Variants in EIF2AK1 observed in about 807,000 individuals in gnomAD.
EIF2AK1 encodes eukaryotic translation initiation factor 2-alpha kinase 1.
EIF2AK1 carries 54 observed loss-of-function variants against 77.9 expected under a neutral mutation model. That is an observed-to-expected ratio of 0.69 (90% CI 0.56 to 0.87). EIF2AK1 has a LOEUF of 0.87. EIF2AK1 is among the 40% of genes least tolerant of loss of function. The probability of loss-of-function intolerance (pLI) is 0.00; values close to 1 mark genes in which losing one functional copy is unlikely to be tolerated. For missense variants in EIF2AK1, 810 were observed against 768.6 expected (o/e 1.05, Z -0.64); for synonymous variants, 314 against 290.5 (o/e 1.08, Z -0.82).
intron 6 of EIF2AK1, 104 bp downstream of exon 6, chr7:6,045,967 C>T (rs1788434693): frequency 1.6e-6 from 1 of 617,678 alleles, no homozygotes; most frequent in African/African-American, 2.0e-5. Flanking sequence ...AACTGGAAAT[C>T]CACACCGCCT....
Position 6,036,048 on chromosome 7 carries a change from T to C in EIF2AK1, c.1332+1376A>G. The stretch of plus-strand genomic sequence containing the variant: ...TGAATTTGAAGCAAATGTTAACATT[T>C]TAACAAGAAACGGGGAATCTCCAAT... On this transcript the variant is annotated intron_variant, in intron 11 of 14. Coordinates refer to ENST00000199389, the MANE Select transcript of EIF2AK1 (RefSeq NM_014413.4). The surrounding 1 kb of genome is among the most constrained non-coding windows in gnomAD (Gnocchi z 4.6). The C allele has an allele frequency of 6.4e-7, 1 of 1,551,054 alleles. No individual in the cohort carries two copies. Among genetic ancestry groups the C allele is most frequent in the Non-Finnish European group, 8.7e-7 (1 of 1,147,144 alleles).
At chr7:6,037,294 T>A (rs1788136210) in intron 11 of EIF2AK1, 130 bp downstream of exon 11, 1 of 657,372 alleles carries the variant, frequency 1.5e-6, no homozygotes, top group South Asian at 2.1e-5. Flanking sequence ...ATGACTTATC[T>A]GACAGTAATT....
chr7:6,058,299 C>A (rs1032948490), intron 1 of EIF2AK1: 1 of 376,196 alleles, frequency 2.7e-6, no homozygotes, highest in Non-Finnish European at 5.2e-6. Context: ...CACCTGTGGT[C>A]CCAGCTACTC....
rs184906720 is a variant in EIF2AK1, at chr7:6,040,139, G to A, written c.1119+753C>T. Among the ~76,000 whole-genome samples the A allele has an allele frequency of 1.1e-4, 16 of 151,940 alleles. 1 individual carries two copies. The East Asian group carries it at 3.1e-3, about 30-fold the overall frequency. ...CTAGTTGCCCAGGCTGGAGTACGGT[G>A]CCTCCCGGGTTCAAGCGATTCTCCT... On this transcript the variant is annotated intron_variant, in intron 9 of 14. Transcript: ENST00000199389.
Position 6,033,398 on chromosome 7 carries a change from A to T in EIF2AK1, c.1332+4026T>A, listed in dbSNP as rs957255649. Among the ~76,000 whole-genome samples the T allele has an allele frequency of 1.3e-5, 2 of 152,140 alleles. No individual in the cohort carries two copies. Among genetic ancestry groups the T allele is most frequent in the Non-Finnish European group, 2.9e-5 (2 of 68,028 alleles). On this transcript the variant is annotated intron_variant, in intron 11 of 14. Coordinates refer to ENST00000199389, the MANE Select transcript of EIF2AK1 (RefSeq NM_014413.4). This position sits in a 1 kb window ranked among gnomAD's most constrained non-coding sequence, Gnocchi z 4.4. Reference sequence around the variant, plus strand: ...AACCAATGTCTTTACTGAGTAGATGAGATACTCTGAAAAACTGAGAAAAAT... The same window carrying T: ...AACCAATGTCTTTACTGAGTAGATGTGATACTCTGAAAAACTGAGAAAAAT...
intron 2 of EIF2AK1, among the ~76,000 whole-genome samples, chr7:6,053,354 T>C (rs1054661580): frequency 2.6e-5 from 4 of 152,106 alleles, no homozygotes; most frequent in African/African-American, 9.7e-5. Context: ...AATCCAATTA[T>C]ATTCTTTTCG....
In EIF2AK1 at chr7:6,033,561, A is replaced by T. The variant is rs1419135883; in HGVS notation, c.1332+3863T>A. ...CCACCAAAGTTAGGTGTGAAAAATA[A>T]AATATAGGTAGACAATGGATTTTCT... On this transcript the variant is annotated intron_variant, in intron 11 of 14. Transcript: ENST00000199389. The surrounding 1 kb of genome is among the most constrained non-coding windows in gnomAD (Gnocchi z 4.4). Among the ~76,000 whole-genome samples, 1 of 152,076 alleles carries T rather than the reference A, an allele frequency of 6.6e-6. No homozygotes were observed. The highest frequency in any genetic ancestry group is 2.4e-5 in the African/African-American group (1 of 41,384).
At chr7:6,026,143 C>A (rs1204762451) in intron 14 of EIF2AK1, among the ~76,000 whole-genome samples, 1 of 152,138 alleles carries the variant, frequency 6.6e-6, no homozygotes, top group Non-Finnish European at 1.5e-5. Context: ...TTCAGCACTA[C>A]CCGGGGAGGT....
chr7:6,048,975 G>A, intron 3 of EIF2AK1, 131 bp from the exon 4 acceptor site: 2 of 612,844 alleles, frequency 3.3e-6, no homozygotes, highest in Non-Finnish European at 5.6e-6. Flanking sequence ...GGCTTTTTCA[G>A]TATTACTTAA....
chr7:6,023,306 C>A lies in EIF2AK1; in HGVS notation c.*1367G>T. 1 of 1,592,262 alleles carries A rather than the reference C, an allele frequency of 6.3e-7. No individual in the cohort carries two copies. Among genetic ancestry groups the A allele is most frequent in the Non-Finnish European group, 8.5e-7 (1 of 1,171,296 alleles). ...CTGGCGTGTTTTTTCTTTTCAGTGC[C>A]GAAGACGCAGATGAAATTCAGCATC... is the stretch of plus-strand genomic sequence containing the variant. On this transcript the variant is annotated 3_prime_UTR_variant, in exon 15 of 15. Transcript: ENST00000199389.
intron 14 of EIF2AK1, among the ~76,000 whole-genome samples, chr7:6,026,051 C>A (rs1385632125): frequency 6.6e-6 from 1 of 152,034 alleles, no homozygotes; most frequent in Admixed American, 6.5e-5. Flanking sequence ...CGGACCCCCA[C>A]GCCAGGCCAC....
In EIF2AK1 at chr7:6,043,383, C is replaced by G. The variant is rs1189664795; in HGVS notation, c.731-390G>C. On this transcript the variant is annotated intron_variant, in intron 7 of 14. Coordinates refer to ENST00000199389, the MANE Select transcript of EIF2AK1 (RefSeq NM_014413.4). ...CTTGAGCTCAGGTGTTTAAGAACAG[C>G]ATGCACAATATAGTGAGATTCCTCA... Among the ~76,000 whole-genome samples, 5 of 152,014 alleles carry G rather than the reference C, an allele frequency of 3.3e-5. No homozygotes were observed. The East Asian group carries it at 9.7e-4, about 29-fold the overall frequency.
rs754716017 is a variant in EIF2AK1 at position 6,028,907 on chromosome 7, C to A, written c.1447+11G>T. On this transcript the variant is annotated intron_variant, in intron 12 of 14. Coordinates refer to ENST00000199389, the MANE Select transcript of EIF2AK1 (RefSeq NM_014413.4). ...TTATGCAAAGAAAACAAAACAAAAC[C>A]AAAAACTTACTCTTCCCGTTTCTGT... The A allele has an allele frequency of 5.0e-6, 8 of 1,592,302 alleles. 1 individual carries two copies. In the South Asian group the frequency reaches 9.2e-5, roughly 18 times the overall value.
intron 2 of EIF2AK1, among the ~76,000 whole-genome samples, chr7:6,051,878 C>G (rs573242177): frequency 6.6e-6 from 1 of 152,144 alleles, no homozygotes; most frequent in South Asian, 2.1e-4. Context: ...TTGTTTTAAA[C>G]TTCAGTCATC....
rs754740121 is a variant in EIF2AK1, at chr7:6,049,931, G to A, written c.392C>T (p.Ala131Val). The A allele has an allele frequency of 6.2e-7, 1 of 1,611,578 alleles. No homozygotes were observed. Residue 131 changes from alanine (A) to valine (V), a missense_variant, in exon 3 of 15, where the codon GCT becomes GTT. By Grantham distance (64) the Ala-to-Val change is moderately conservative (BLOSUM62 0). This residue lies in a region of EIF2AK1 where 246 missense variants were observed against 199.0 expected (regional missense o/e 1.24). Coordinates refer to ENST00000199389, the MANE Select transcript of EIF2AK1 (RefSeq NM_014413.4). The stretch of plus-strand genomic sequence containing the variant: ...GCTTACCTGACGAACTCTCTCTTTA[G>A]CAGACCTCATTAAGTGAGTAATAGC... ...NRAITHLMRS[A>V]KERVRQDPCE...
intron 4 of EIF2AK1, among the ~76,000 whole-genome samples, chr7:6,047,408 C>T (rs976457456): frequency 1.3e-5 from 2 of 152,108 alleles, no homozygotes; most frequent in Non-Finnish European, 2.9e-5. Flanking sequence ...GGCATGGTGG[C>T]TCACGCCTGT....
At position 6,031,420 on chromosome 7, in the gene EIF2AK1, C is replaced by T. The variant is rs779404630; in HGVS notation, c.1333-2388G>A. On this transcript the variant is annotated intron_variant, in intron 11 of 14. Coordinates refer to ENST00000199389, the MANE Select transcript of EIF2AK1 (RefSeq NM_014413.4). ...AAGGAAGCAGAGACCTGGTGGTTGA[C>T]AGTGCCAAGTCCCTGGAAGATGGCC... 7.1e-6 allele frequency: 11 copies of T among 1,550,696 alleles called. 1 individual carries two copies. In the South Asian group the frequency reaches 1.1e-4, roughly 15 times the overall value.
Position 6,023,713 on chromosome 7 carries a change from G to A in EIF2AK1, c.*960C>T. ...GTGAATTGCCGTAACTGATTTTAAA[G>A]GGTTTAGATTTTAAGAATGGTGCTC... On this transcript the variant is annotated 3_prime_UTR_variant, in exon 15 of 15. Coordinates refer to ENST00000199389, the MANE Select transcript of EIF2AK1 (RefSeq NM_014413.4). 1 of 1,614,118 alleles carries A rather than the reference G, an allele frequency of 6.2e-7. No individual in the cohort carries two copies. Among genetic ancestry groups the A allele is most frequent in the East Asian group, 2.2e-5 (1 of 44,886 alleles).
At chr7:6,057,465 T>C (rs1788814911) in intron 1 of EIF2AK1, 1 of 152,038 alleles carries the variant, frequency 6.6e-6, no homozygotes. Flanking sequence ...AGTCATTCTA[T>C]TGGAATTACC....
Sources: gnomAD v4.1 joint callset for allele counts (sites outside exome capture counted in the v4.1 genomes callset) on GRCh38, gnomAD v4.1.1 for gene constraint, gnomAD v4.1.1 regional missense constraint, Gnocchi (gnomAD v3.1) non-coding constraint, MANE v1.5 for transcripts, NCBI Gene and HGNC (gene_info 2026-07-23, HGNC 2026-07-21) for gene names.